Variants in CFAP251 observed in about 807,000 individuals in gnomAD.
The protein encoded by CFAP251 is cilia- and flagella-associated protein 251.
CFAP251 carries 93 observed loss-of-function variants against 126.7 expected under a neutral mutation model. The ratio of observed to expected loss-of-function variants is 0.73; its 90% CI spans 0.62 to 0.87. The LOEUF (loss-of-function observed/expected upper bound fraction) is 0.87, where lower values mean the gene tolerates loss of function less well. CFAP251 is among the 40% of genes least tolerant of loss of function. The probability of loss-of-function intolerance (pLI) is 0.00; values close to 1 mark genes in which losing one functional copy is unlikely to be tolerated. For missense variants in CFAP251, 1,287 were observed against 1,389.2 expected, an observed-to-expected ratio of 0.93 and a Z score of 1.17; for synonymous variants, 503 against 506.9, an observed-to-expected ratio of 0.99 and a Z score of 0.10.
At chr12:121,998,479 ATATATATAT>A (rs1262277422) in intron 19 of CFAP251, 5 of 65,928 alleles carry the variant, frequency 7.6e-5, no homozygotes, top group African/African-American at 2.9e-4. Context: ...ATATATATAT[ATATATATAT>A]GATTGTGTTA....
intron 19 of CFAP251, among the ~76,000 whole-genome samples, chr12:121,984,641 G>A (rs759714080): frequency 6.6e-6 from 1 of 152,166 alleles, no homozygotes; most frequent in Non-Finnish European, 1.5e-5. Context: ...TCTGCAGCAT[G>A]TATAATGTTA....
At chr12:121,993,046 T>G (rs2135813699) in intron 19 of CFAP251, among the ~76,000 whole-genome samples, 1 of 138,206 alleles carries the variant, frequency 7.2e-6, no homozygotes, top group East Asian at 2.4e-4. Flanking sequence ...TGGACTGTAC[T>G]GCTGCCATCT....
intron 19 of CFAP251, among the ~76,000 whole-genome samples, chr12:121,979,911 C>T (rs142479046): frequency 5.7e-4 from 87 of 152,310 alleles, no homozygotes; most frequent in African/African-American, 2.0e-3. Flanking sequence ...TAAGTCGACC[C>T]ATTTTCTGGT....
At chr12:121,983,749 A>AC (rs951666089) in intron 19 of CFAP251, among the ~76,000 whole-genome samples, 24 of 152,130 alleles carry the variant, frequency 1.6e-4, no homozygotes, top group African/African-American at 5.6e-4. Flanking sequence ...TTAAAAAAAA[A>AC]AAAACGTTTC....
intron 3 of CFAP251, 122 bp from the exon 4 acceptor site, chr12:121,931,624 T>A: frequency 9.8e-7 from 1 of 1,020,862 alleles, no homozygotes; most frequent in Non-Finnish European, 1.3e-6. Context: ...AGGACTTTCT[T>A]AAAGTGGTTC....
At chr12:121,943,025 A>G in intron 7 of CFAP251, 50 bp downstream of exon 7, 1 of 1,598,902 alleles carries the variant, frequency 6.3e-7, no homozygotes, top group Non-Finnish European at 8.6e-7. Context: ...ATACAGGTGC[A>G]AGGCCAGGCT....
At chr12:121,960,146 A>G (rs971612370) in intron 13 of CFAP251, among the ~76,000 whole-genome samples, 26 of 152,192 alleles carry the variant, frequency 1.7e-4, no homozygotes, top group African/African-American at 5.5e-4. Context: ...AAAAAACCCA[A>G]AAAAACTAAA....
rs963681543 is a variant in CFAP251 at position 121,974,798 on chromosome 12, T to A, written c.2772-446T>A. Among the ~76,000 whole-genome samples, 2 of 152,076 alleles carry A rather than the reference T, an allele frequency of 1.3e-5. No homozygotes were observed. The highest frequency in any genetic ancestry group is 2.9e-5 in the Non-Finnish European group (2 of 68,008). On this transcript the variant is annotated intron_variant, in intron 17 of 21. Coordinates refer to ENST00000288912, the MANE Select transcript of CFAP251 (RefSeq NM_144668.6). The surrounding 1 kb of genome is among the most constrained non-coding windows in gnomAD (Gnocchi z 4.6). ...GCATGGGTCCCTGTGGTCTCCTGAG[T>A]TTTTATGGAAGCAATTAGTGTTGGC...
chr12:121,922,385 C>T (rs1315642126), intron 2 of CFAP251, among the ~76,000 whole-genome samples: 1 of 151,984 alleles, frequency 6.6e-6, no homozygotes, highest in Admixed American at 6.6e-5. Context: ...GCTAGGAGCC[C>T]CTGCACCTGG....
At chr12:121,991,867 C>A (rs961735713) in intron 19 of CFAP251, among the ~76,000 whole-genome samples, 14 of 152,120 alleles carry the variant, frequency 9.2e-5, no homozygotes, top group Non-Finnish European at 1.6e-4. Flanking sequence ...GTGGCGCGCG[C>A]CTGTAGTCCC....
At chr12:121,969,277 G>A (rs1198745621) in intron 17 of CFAP251, 2 of 985,436 alleles carry the variant, frequency 2.0e-6, no homozygotes, top group East Asian at 1.1e-4. Flanking sequence ...ACGGTGGTTT[G>A]AGATTGCACT....
chr12:122,000,846 C>T (rs910388805), intron 20 of CFAP251, among the ~76,000 whole-genome samples: 12 of 151,890 alleles, frequency 7.9e-5, no homozygotes, highest in African/African-American at 2.9e-4. Flanking sequence ...TGTTTAACAC[C>T]ATTAGGAAGC....
At chr12:121,930,587 A>C (rs1880643680) in intron 3 of CFAP251, among the ~76,000 whole-genome samples, 1 of 152,204 alleles carries the variant, frequency 6.6e-6, no homozygotes, top group Non-Finnish European at 1.5e-5. Context: ...GATTTATTGT[A>C]CTTATAATTT....
At chr12:122,003,095 T>A (rs1409058912) in intron 21 of CFAP251, among the ~76,000 whole-genome samples, 1 of 152,168 alleles carries the variant, frequency 6.6e-6, no homozygotes, top group Admixed American at 6.5e-5. Context: ...TCATACCATG[T>A]GGTTAAGGCT....
chr12:121,975,832 A>G, intron 19 of CFAP251, 147 bp downstream of exon 19: 1 of 806,948 alleles, frequency 1.2e-6, no homozygotes. Flanking sequence ...TTTCAGATGC[A>G]CTCCTGAGTA....
intron 17 of CFAP251, 79 bp from the exon 18 acceptor site, chr12:121,975,165 C>CAGTG (rs1454118970): frequency 8.8e-7 from 1 of 1,136,772 alleles, no homozygotes; most frequent in Non-Finnish European, 1.3e-6. Context: ...CAGAGGGCCG[C>CAGTG]AGTGCTGTGC....
chr12:121,957,143 G>A lies in CFAP251; in HGVS notation c.1605G>A (p.Trp535Ter). The change falls in exon 11 of 22, where the codon TGG becomes TGA. Residue 535 changes from tryptophan to a stop codon, truncating the protein, a stop_gained. Coordinates refer to ENST00000288912, the MANE Select transcript of CFAP251 (RefSeq NM_144668.6). LOFTEE classifies it high-confidence loss of function. ...FYDHTLSIVNWYSHLKLGAIR... is the reference protein window; with the variant it reads ...FYDHTLSIVN ...ATCACACCCTGTCTATTGTTAACTG[G>A]TACAGTCACTTGAAACTGGGCGCCA... The A allele has an allele frequency of 1.9e-6, 3 of 1,614,028 alleles. No homozygotes were observed. Among genetic ancestry groups the A allele is most frequent in the Non-Finnish European group, 2.5e-6 (3 of 1,179,968 alleles).
chr12:121,943,012 G>T, intron 7 of CFAP251, 37 bp downstream of exon 7: 1 of 1,605,514 alleles, frequency 6.2e-7, no homozygotes, highest in East Asian at 2.2e-5. Flanking sequence ...TCAACCTGAA[G>T]TTATACAGGT....
chr12:121,943,064 AG>A, intron 7 of CFAP251, 89 bp downstream of exon 7: 1 of 1,417,638 alleles, frequency 7.1e-7, no homozygotes, highest in Non-Finnish European at 9.9e-7. Flanking sequence ...CTGTAATCCC[AG>A]AACTTTGGGA....
Sources: allele counts gnomAD v4.1 joint callset (sites outside exome capture counted in the v4.1 genomes callset), GRCh38; gene constraint gnomAD v4.1.1; non-coding constraint Gnocchi (gnomAD v3.1); transcripts MANE v1.5; gene names NCBI Gene and HGNC (gene_info 2026-07-23, HGNC 2026-07-21).